Variants in RALYL observed in about 807,000 individuals in gnomAD.
The protein encoded by RALYL is RNA-binding Raly-like protein.
A neutral mutation model predicts 35.1 loss-of-function variants in RALYL; 29 were observed. The observed-to-expected ratio is 0.83, with a 90% CI of 0.61 to 1.13. The LOEUF (loss-of-function observed/expected upper bound fraction) is 1.13, where lower values mean the gene tolerates loss of function less well. RALYL is among the 50% of genes most tolerant of loss of function. RALYL has a pLI of 0.00. For synonymous variants in RALYL, 120 were observed against 127.6 expected, an observed-to-expected ratio of 0.94 and a Z score of 0.40; for missense variants, 359 against 360.4, an observed-to-expected ratio of 1.00 and a Z score of 0.03.
At chr8:84,314,717 G>T (rs1843422449) in intron 1 of RALYL, among the ~76,000 whole-genome samples, 1 of 152,086 alleles carries the variant, frequency 6.6e-6, no homozygotes, top group African/African-American at 2.4e-5. Context: ...CAACAACAAA[G>T]TGAGACCCCA....
intron 1 of RALYL, among the ~76,000 whole-genome samples, chr8:84,187,764 G>T (rs966320915): frequency 6.6e-6 from 1 of 152,074 alleles, no homozygotes; most frequent in African/African-American, 2.4e-5. Flanking sequence ...TTCCTTAAAT[G>T]CAATATTGAC....
At chr8:84,611,571 G>C (rs530841658) in intron 2 of RALYL, among the ~76,000 whole-genome samples, 4 of 152,194 alleles carry the variant, frequency 2.6e-5, no homozygotes, top group African/African-American at 4.8e-5. Flanking sequence ...TTGACATTAT[G>C]TCTGAATATT....
chr8:84,221,855 GGTCT>G (rs1476126771), intron 1 of RALYL, among the ~76,000 whole-genome samples: 1 of 152,004 alleles, frequency 6.6e-6, no homozygotes, highest in Non-Finnish European at 1.5e-5. Flanking sequence ...ATTCTGGTGT[GGTCT>G]GTCTTTCTAG....
intron 2 of RALYL, among the ~76,000 whole-genome samples, chr8:84,545,289 C>G (rs1175151333): frequency 6.6e-6 from 1 of 152,068 alleles, no homozygotes; most frequent in Non-Finnish European, 1.5e-5. Flanking sequence ...ATTGGTCTGT[C>G]TGAACTAAAA....
chr8:84,494,308 C>A (rs763695715), intron 1 of RALYL, among the ~76,000 whole-genome samples: 10 of 151,956 alleles, frequency 6.6e-5, no homozygotes, highest in African/African-American at 1.7e-4. Flanking sequence ...TTACTGATGC[C>A]TTGTAGTATA....
At chr8:84,253,381 T>C (rs1350793911) in intron 1 of RALYL, among the ~76,000 whole-genome samples, 1 of 149,598 alleles carries the variant, frequency 6.7e-6, no homozygotes, top group African/African-American at 2.5e-5. Context: ...TTTTTTTTTT[T>C]AGTAGAGATG....
chr8:84,780,841 GT>G (rs1356555798), intron 3 of RALYL, among the ~76,000 whole-genome samples: 1 of 152,002 alleles, frequency 6.6e-6, no homozygotes, highest in Non-Finnish European at 1.5e-5. Flanking sequence ...ATTTTAGGAG[GT>G]TTTTCTTGTT....
intron 2 of RALYL, among the ~76,000 whole-genome samples, chr8:84,589,843 G>C (rs1011778587): frequency 1.3e-5 from 2 of 152,170 alleles, no homozygotes; most frequent in Non-Finnish European, 2.9e-5. Flanking sequence ...TTATTAAAAA[G>C]TCATATATAA....
chr8:84,237,240 T>A (rs943693134), intron 1 of RALYL, among the ~76,000 whole-genome samples: 1 of 152,140 alleles, frequency 6.6e-6, no homozygotes, highest in Non-Finnish European at 1.5e-5. Context: ...AGGATTCTCT[T>A]GGTGGCTGGG....
chr8:84,435,230 A>G (rs1229898273), intron 1 of RALYL, among the ~76,000 whole-genome samples: 2 of 152,186 alleles, frequency 1.3e-5, no homozygotes, highest in Non-Finnish European at 2.9e-5. Context: ...GCCTACACAG[A>G]TATTAGAATT....
chr8:84,754,008 T>C (rs1172865779), intron 2 of RALYL, among the ~76,000 whole-genome samples: 5 of 152,048 alleles, frequency 3.3e-5, no homozygotes, highest in African/African-American at 1.2e-4. Context: ...CTTGTAAATT[T>C]GTTTGAGTTC....
chr8:84,202,632 A>G (rs1185791428), intron 1 of RALYL, among the ~76,000 whole-genome samples: 4 of 152,128 alleles, frequency 2.6e-5, no homozygotes, highest in African/African-American at 9.7e-5. Context: ...TTGGCCTCCC[A>G]AAGTGCTGGG....
At chr8:84,193,372 G>T (rs2130900397) in intron 1 of RALYL, among the ~76,000 whole-genome samples, 1 of 152,250 alleles carries the variant, frequency 6.6e-6, no homozygotes, top group Admixed American at 6.5e-5. Flanking sequence ...TAAGAAGGTT[G>T]GTGTGATTAG....
intron 8 of RALYL, among the ~76,000 whole-genome samples, chr8:84,894,300 C>A (rs1844371524): frequency 6.6e-6 from 1 of 152,098 alleles, no homozygotes; most frequent in Admixed American, 6.6e-5. Flanking sequence ...GGCTAGAGGA[C>A]AAACAAGAAC....
At chr8:84,698,177 C>T (rs1226101809) in intron 2 of RALYL, among the ~76,000 whole-genome samples, 4 of 152,018 alleles carry the variant, frequency 2.6e-5, no homozygotes, top group Non-Finnish European at 5.9e-5. Context: ...CCTCGGTTCC[C>T]TTATCTGTAG....
At chr8:84,774,792 C>T in intron 3 of RALYL, 138 bp downstream of exon 3, 1 of 642,766 alleles carries the variant, frequency 1.6e-6, no homozygotes, top group Non-Finnish European at 2.7e-6. Flanking sequence ...TGTTGTTGGT[C>T]AACATATAAA....
chr8:84,315,000 A>C (rs945452704), intron 1 of RALYL, among the ~76,000 whole-genome samples: 1 of 152,192 alleles, frequency 6.6e-6, no homozygotes, highest in African/African-American at 2.4e-5. Context: ...AATAGATGAA[A>C]AGTGGTTTGA....
intron 2 of RALYL, among the ~76,000 whole-genome samples, chr8:84,596,192 T>A (rs960184534): frequency 3.9e-5 from 6 of 152,128 alleles, no homozygotes; most frequent in African/African-American, 1.4e-4. Flanking sequence ...ATATTGACAC[T>A]CAATCAAGTC....
chr8:84,862,265 CAACT>C, intron 5 of RALYL, 27 bp from the exon 6 acceptor site: 1 of 1,428,958 alleles, frequency 7.0e-7, no homozygotes, highest in Non-Finnish European at 9.3e-7. Context: ...GGCATCAAAC[CAACT>C]CTCAGTCCCA....
Sources: allele counts gnomAD v4.1 joint callset (sites outside exome capture counted in the v4.1 genomes callset), GRCh38; gene constraint gnomAD v4.1.1; transcripts MANE v1.5; gene names NCBI Gene and HGNC (gene_info 2026-07-23, HGNC 2026-07-21).